ROBO2: variants seen among roughly 807,000 people sequenced by gnomAD.
The protein encoded by ROBO2 is roundabout homolog 2.
Under a neutral mutation model 160.8 loss-of-function variants are expected in ROBO2, and 53 were observed. The observed-to-expected ratio is 0.33, with a 90% CI of 0.26 to 0.41. The LOEUF is 0.41. ROBO2 is among the 10% of genes least tolerant of loss of function. ROBO2 has a pLI of 1.00. For missense variants in ROBO2, 1,577 were observed against 1,722.4 expected (o/e 0.92, Z 1.49); for synonymous variants, 664 against 611.7 (o/e 1.09, Z -1.26).
At chr3:76,420,258 TCTC>T (rs2075936676) in intron 2 of ROBO2, among the ~76,000 whole-genome samples, 1 of 152,160 alleles carries the variant, frequency 6.6e-6, no homozygotes, top group African/African-American at 2.4e-5. Context: ...CAAGCAATCT[TCTC>T]ATCTCAACCT....
chr3:76,156,987 A>C (rs139031207), intron 2 of ROBO2, among the ~76,000 whole-genome samples: 232 of 152,288 alleles, frequency 1.5e-3, no homozygotes, highest in African/African-American at 4.0e-3. Context: ...AATAAAAATA[A>C]AAGTAAATAA....
At chr3:75,958,674 TTTA>T (rs919729991) in intron 2 of ROBO2, among the ~76,000 whole-genome samples, 3 of 151,646 alleles carry the variant, frequency 2.0e-5, no homozygotes, top group African/African-American at 7.3e-5. Context: ...TAGGTAGGAT[TTTA>T]TTATTATCAA....
At chr3:77,180,404 C>CTA (rs1472716496) in intron 2 of ROBO2, among the ~76,000 whole-genome samples, 17 of 105,386 alleles carry the variant, frequency 1.6e-4, no homozygotes, top group Non-Finnish European at 2.8e-4. Context: ...CTCTCTCTCT[C>CTA]TCTCTCTCTC....
intron 2 of ROBO2, among the ~76,000 whole-genome samples, chr3:76,679,805 A>G (rs1162344716): frequency 1.3e-5 from 2 of 152,162 alleles, no homozygotes; most frequent in African/African-American, 2.4e-5. Flanking sequence ...ATTCCACATA[A>G]GAAAGTTGCA....
chr3:76,410,077 A>G (rs2075410053), intron 2 of ROBO2, among the ~76,000 whole-genome samples: 1 of 152,138 alleles, frequency 6.6e-6, no homozygotes, highest in East Asian at 1.9e-4. Flanking sequence ...TTTAGACAAA[A>G]TCATAATCTC....
intron 2 of ROBO2, among the ~76,000 whole-genome samples, chr3:76,050,657 G>A (rs2067623464): frequency 6.6e-6 from 1 of 152,066 alleles, no homozygotes. Context: ...TTTCTCCATC[G>A]AGTTCTGCAA....
intron 2 of ROBO2, among the ~76,000 whole-genome samples, chr3:76,082,085 A>G (rs900664423): frequency 9.2e-5 from 14 of 152,152 alleles, no homozygotes; most frequent in Non-Finnish European, 1.8e-4. Context: ...ATCTACAAGC[A>G]TCAGTCACTG....
intron 6 of ROBO2, among the ~76,000 whole-genome samples, chr3:77,537,099 T>TGGGGGGG (rs63352561): frequency 1.6e-5 from 2 of 127,766 alleles, no homozygotes; most frequent in African/African-American, 2.9e-5. Context: ...ACATATTTTG[T>TGGGGGGG]GGGGGGGGGG....
intron 2 of ROBO2, among the ~76,000 whole-genome samples, chr3:76,948,403 A>G (rs1003012395): frequency 6.6e-6 from 1 of 151,954 alleles, no homozygotes; most frequent in African/African-American, 2.4e-5. Context: ...ATAATAAAAT[A>G]TATGCTGAAC....
At chr3:76,725,671 C>A (rs1424862358) in intron 2 of ROBO2, among the ~76,000 whole-genome samples, 1 of 152,110 alleles carries the variant, frequency 6.6e-6, no homozygotes, top group African/African-American at 2.4e-5. Context: ...TCAACGTAGT[C>A]ATATTTTGGC....
chr3:77,005,465 G>C lies in ROBO2; in HGVS notation c.110-92549G>C, dbSNP rs529730333. Among the ~76,000 whole-genome samples, 6 of 152,260 alleles carry C rather than the reference G, an allele frequency of 3.9e-5. No homozygotes were observed. In the South Asian group the frequency reaches 1.2e-3, roughly 32 times the overall value. ...GCATATGCTGTAAAGACAGATCATC[G>C]TTCAGTTCTAATGCACTAATTTCAT... is the stretch of plus-strand genomic sequence containing the variant. On this transcript the variant is annotated intron_variant, in intron 2 of 26. Transcript: ENST00000487694.
intron 2 of ROBO2, among the ~76,000 whole-genome samples, chr3:77,180,120 C>G (rs1369047689): frequency 6.6e-6 from 1 of 151,648 alleles, no homozygotes; most frequent in African/African-American, 2.4e-5. Flanking sequence ...TTGATGAGAT[C>G]TAACACTTAC....
intron 2 of ROBO2, among the ~76,000 whole-genome samples, chr3:76,673,851 T>G (rs1340570489): frequency 1.3e-5 from 2 of 152,198 alleles, no homozygotes; most frequent in Non-Finnish European, 1.5e-5. Context: ...ATTTTTTCAT[T>G]GATAATGCAT....
At chr3:77,153,181 T>C (rs777925585) in intron 2 of ROBO2, among the ~76,000 whole-genome samples, 7 of 152,200 alleles carry the variant, frequency 4.6e-5, no homozygotes, top group Non-Finnish European at 8.8e-5. Context: ...TAAATCTCCT[T>C]TAAACGTTTG....
At chr3:76,955,100 T>C (rs1333178880) in intron 2 of ROBO2, among the ~76,000 whole-genome samples, 2 of 152,214 alleles carry the variant, frequency 1.3e-5, no homozygotes, top group African/African-American at 4.8e-5. Context: ...TCTAGATATT[T>C]CATATAAGTG....
At chr3:77,170,230 T>C (rs2079504644) in intron 2 of ROBO2, among the ~76,000 whole-genome samples, 1 of 152,190 alleles carries the variant, frequency 6.6e-6, no homozygotes, top group Non-Finnish European at 1.5e-5. Context: ...CAGTATGGCC[T>C]AGGTAGGTTT....
intron 2 of ROBO2, among the ~76,000 whole-genome samples, chr3:76,129,624 T>C (rs963036990): frequency 2.6e-5 from 4 of 152,130 alleles, no homozygotes; most frequent in Non-Finnish European, 4.4e-5. Flanking sequence ...TAAGGCATTG[T>C]GACTCTTCTA....
At chr3:77,074,383 A>G (rs1035225849) in intron 1 of ROBO2, among the ~76,000 whole-genome samples, 3 of 152,146 alleles carry the variant, frequency 2.0e-5, no homozygotes, top group Non-Finnish European at 4.4e-5. Context: ...TTAGGAACAG[A>G]TGATTTTTGA....
At chr3:76,105,628 G>A (rs1034066147) in intron 2 of ROBO2, among the ~76,000 whole-genome samples, 1 of 152,182 alleles carries the variant, frequency 6.6e-6, no homozygotes. Context: ...CTTACAGGGT[G>A]AGGAGTCTTT....
Sources: gnomAD v4.1 joint callset for allele counts (sites outside exome capture counted in the v4.1 genomes callset) on GRCh38, gnomAD v4.1.1 for gene constraint, MANE v1.5 for transcripts, NCBI Gene and HGNC (gene_info 2026-07-23, HGNC 2026-07-21) for gene names.